TLE4: variants seen among roughly 807,000 people sequenced by gnomAD.
TLE4 encodes TLE family member 4, transcriptional corepressor.
TLE4 carries 8 observed loss-of-function variants against 92.8 expected under a neutral mutation model. The observed-to-expected ratio is 0.09, with a 90% CI of 0.05 to 0.16. TLE4 has a LOEUF of 0.16. Ranked by LOEUF, TLE4 falls within the 10% of genes least tolerant of loss-of-function variation. The pLI, the probability that TLE4 is intolerant of heterozygous loss-of-function variation, is 1.00. For synonymous variants in TLE4, 371 were observed against 374.1 expected, an observed-to-expected ratio of 0.99 and a Z score of 0.10; for missense variants, 675 against 997.6, an observed-to-expected ratio of 0.68 and a Z score of 4.36.
At chr9:79,707,083 G>T in intron 11 of TLE4, 184 bp downstream of exon 11, 1 of 1,600,932 alleles carries the variant, frequency 6.2e-7, no homozygotes, top group Non-Finnish European at 8.6e-7. Flanking sequence ...TAACTTGTTG[G>T]TGATGAGTGT....
rs1460430112 is a variant in TLE4, at chr9:79,572,813, T to C, written c.23T>C (p.Met8Thr). Residue 8 changes from methionine to threonine, a missense_variant, in exon 1 of 20, where the codon ATG becomes ACG. Met to Thr is a moderately conservative substitution (Grantham distance 81). This residue lies in a region of TLE4 where 38 missense variants were observed against 33.5 expected (regional missense o/e 1.14). Transcript: ENST00000376552. MIRDLSK[M>T]YPQTRHPAPH... ...TGGATGATTCGCGACCTGAGCAAGA[T>C]GTACCCGCAGACCAGACACCCAGTG... is the stretch of plus-strand genomic sequence containing the variant. 6.3e-7 allele frequency: 1 copy of C among 1,599,556 alleles called. No individual in the cohort carries two copies. Among genetic ancestry groups the C allele is most frequent in the Non-Finnish European group, 8.5e-7 (1 of 1,174,118 alleles).
At chr9:79,714,403 C>T (rs890620659) in intron 14 of TLE4, among the ~76,000 whole-genome samples, 13 of 152,180 alleles carry the variant, frequency 8.5e-5, no homozygotes, top group African/African-American at 3.1e-4. Context: ...CCTCCATCCA[C>T]CTACTGTGTA....
At chr9:79,618,419 A>G (rs1438653098) in intron 5 of TLE4, among the ~76,000 whole-genome samples, 2 of 152,222 alleles carry the variant, frequency 1.3e-5, no homozygotes, top group Non-Finnish European at 2.9e-5. Flanking sequence ...TCATACATTC[A>G]TAGGGGATGG....
chr9:79,587,011 T>G (rs574885165), intron 4 of TLE4, among the ~76,000 whole-genome samples: 17 of 152,350 alleles, frequency 1.1e-4, no homozygotes, highest in Admixed American at 9.8e-4. Flanking sequence ...CAATAAATTA[T>G]TGTTGACTGT....
In TLE4 at chr9:79,673,137, C is replaced by T. The variant is rs144514687; in HGVS notation, c.609+19062C>T. Among the ~76,000 whole-genome samples, 108 of 152,212 alleles carry T rather than the reference C, an allele frequency of 7.1e-4. 1 individual carries two copies. Among genetic ancestry groups the T allele is most frequent in the African/African-American group, 2.4e-3 (100 of 41,524 alleles). On this transcript the variant is annotated intron_variant, in intron 8 of 19. Coordinates refer to ENST00000376552, the MANE Select transcript of TLE4 (RefSeq NM_007005.6). ...GCTTTCAGGAACGTGGAGGATACAT[C>T]GCTGAAATATTCAGAATAAATATCA... is the stretch of plus-strand genomic sequence containing the variant.
intron 4 of TLE4, among the ~76,000 whole-genome samples, chr9:79,589,616 C>T (rs1453640028): frequency 6.6e-6 from 1 of 151,894 alleles, no homozygotes; most frequent in East Asian, 1.9e-4. Context: ...TAGTCCTGTC[C>T]CCCATCGAAG....
At chr9:79,711,153 T>C (rs2073177447) in intron 14 of TLE4, among the ~76,000 whole-genome samples, 1 of 152,210 alleles carries the variant, frequency 6.6e-6, no homozygotes, top group African/African-American at 2.4e-5. Flanking sequence ...CTACAGACTC[T>C]ATCCTAACCT....
chr9:79,610,589 A>G (rs1031950911), intron 4 of TLE4, among the ~76,000 whole-genome samples: 3 of 152,074 alleles, frequency 2.0e-5, no homozygotes, highest in Non-Finnish European at 4.4e-5. Flanking sequence ...ATCCATTGGC[A>G]TGACAACTTA....
intron 8 of TLE4, among the ~76,000 whole-genome samples, chr9:79,673,284 A>G (rs1465087849): frequency 6.6e-6 from 1 of 152,196 alleles, no homozygotes; most frequent in Non-Finnish European, 1.5e-5. Flanking sequence ...GAGATGTACA[A>G]ATCAAATCTG....
At chr9:79,691,700 G>A (rs2135538891) in intron 8 of TLE4, among the ~76,000 whole-genome samples, 1 of 152,174 alleles carries the variant, frequency 6.6e-6, no homozygotes, top group South Asian at 2.1e-4. Context: ...CCTCTTTCTA[G>A]AACAGTCTTC....
chr9:79,687,454 G>GAAAAC (rs1385411683), intron 8 of TLE4, among the ~76,000 whole-genome samples: 2 of 152,226 alleles, frequency 1.3e-5, no homozygotes, highest in South Asian at 2.1e-4. Context: ...AATCTTTTCA[G>GAAAAC]AAAACAAAAC....
At chr9:79,646,022 C>T (rs1200088204) in intron 6 of TLE4, among the ~76,000 whole-genome samples, 1 of 151,948 alleles carries the variant, frequency 6.6e-6, no homozygotes, top group South Asian at 2.1e-4. Context: ...CTAGTCTATG[C>T]CCTCTTTAAT....
intron 4 of TLE4, among the ~76,000 whole-genome samples, chr9:79,599,701 A>T (rs2132594901): frequency 6.6e-6 from 1 of 152,338 alleles, no homozygotes; most frequent in South Asian, 2.1e-4. Flanking sequence ...GTCGTCTGAT[A>T]AGAGACACTT....
intron 8 of TLE4, among the ~76,000 whole-genome samples, chr9:79,700,376 A>T (rs954701807): frequency 1.3e-5 from 2 of 152,182 alleles, no homozygotes; most frequent in African/African-American, 4.8e-5. Flanking sequence ...ACTTTATAGA[A>T]GTCTTTCTCA....
chr9:79,630,364 C>T (rs2053847769), intron 6 of TLE4, among the ~76,000 whole-genome samples: 3 of 152,288 alleles, frequency 2.0e-5, no homozygotes, highest in African/African-American at 7.2e-5. Context: ...ATTTCTTTCA[C>T]AGGTCATGTT....
chr9:79,639,321 A>G (rs985578342), intron 6 of TLE4, among the ~76,000 whole-genome samples: 1 of 152,198 alleles, frequency 6.6e-6, no homozygotes, highest in Non-Finnish European at 1.5e-5. Flanking sequence ...ACTCAAATAT[A>G]TAGTTACATG....
chr9:79,624,357 T>G (rs2051917877), intron 5 of TLE4, among the ~76,000 whole-genome samples: 1 of 152,118 alleles, frequency 6.6e-6, no homozygotes, highest in East Asian at 1.9e-4. Flanking sequence ...ATGGTGTGGC[T>G]GAGTGAGCTA....
At chr9:79,706,170 G>A (rs1443030236) in intron 10 of TLE4, among the ~76,000 whole-genome samples, 3 of 151,770 alleles carry the variant, frequency 2.0e-5, no homozygotes, top group Non-Finnish European at 4.4e-5. Context: ...TCAGCCTCCC[G>A]AGTAGCTGGA....
intron 6 of TLE4, among the ~76,000 whole-genome samples, chr9:79,631,074 T>C (rs2054057463): frequency 1.3e-5 from 2 of 152,206 alleles, no homozygotes; most frequent in Non-Finnish European, 2.9e-5. Flanking sequence ...GTTGTAGGAA[T>C]TGCAGTTTAG....
Sources: gnomAD v4.1 joint callset for allele counts (sites outside exome capture counted in the v4.1 genomes callset) on GRCh38, gnomAD v4.1.1 for gene constraint, gnomAD v4.1.1 regional missense constraint, MANE v1.5 for transcripts, NCBI Gene and HGNC (gene_info 2026-07-23, HGNC 2026-07-21) for gene names.